The following WNK1 variants were observed in gnomAD, a reference collection of about 807,000 sequenced individuals.
The protein encoded by WNK1 is WNK lysine deficient protein kinase 1.
Under a neutral mutation model 222.8 loss-of-function variants are expected in WNK1, and 38 were observed. The ratio of observed to expected loss-of-function variants is 0.17; its 90% CI spans 0.13 to 0.22. The LOEUF (loss-of-function observed/expected upper bound fraction) is 0.22, where lower values mean the gene tolerates loss of function less well. Ranked by LOEUF, WNK1 falls within the 10% of genes least tolerant of loss-of-function variation. The pLI is 1.00. For missense variants in WNK1, 2,348 were observed against 2,918.4 expected (o/e 0.80, Z 4.50); for synonymous variants, 1,090 against 1,092.9 (o/e 1.00, Z 0.05).
intron 9 of WNK1, among the ~76,000 whole-genome samples, chr12:876,835 A>T (rs1440986773): frequency 6.6e-6 from 1 of 152,062 alleles, no homozygotes; most frequent in Non-Finnish European, 1.5e-5. Context: ...AAAAAAGAAA[A>T]CTATGTGAAA....
Position 871,362 on chromosome 12 carries a change from A to G in WNK1, c.2223+14A>G, listed in dbSNP as rs765525746. On this transcript the variant is annotated intron_variant, in intron 9 of 27. Transcript: ENST00000315939. ...CATCCTCAGCAGGTGAGAACAATGC[A>G]TTGCAACATTTTATGAATTAGCAGT... 2.5e-6 allele frequency: 4 copies of G among 1,612,188 alleles called. No individual in the cohort carries two copies. Among genetic ancestry groups the G allele is most frequent in the East Asian group, 4.5e-5 (2 of 44,866 alleles).
chr12:862,792 C>T (rs2154067047), intron 8 of WNK1, among the ~76,000 whole-genome samples: 1 of 152,262 alleles, frequency 6.6e-6, no homozygotes, highest in South Asian at 2.1e-4. Context: ...GTGTGTGTTC[C>T]TGCCTTTTAA....
chr12:831,234 A>G (rs1322506122), intron 4 of WNK1, among the ~76,000 whole-genome samples: 2 of 152,176 alleles, frequency 1.3e-5, no homozygotes, highest in Non-Finnish European at 2.9e-5. Context: ...ATACAGAAGC[A>G]TATAAAAGAA....
intron 2 of WNK1, among the ~76,000 whole-genome samples, chr12:824,082 T>G (rs1390983482): frequency 6.6e-6 from 1 of 151,866 alleles, no homozygotes; most frequent in Non-Finnish European, 1.5e-5. Flanking sequence ...AGTTTTTATG[T>G]TTTTAGTAGA....
At chr12:880,083 T>A (rs2154080720) in intron 11 of WNK1, 52 bp downstream of exon 11, 1 of 1,543,268 alleles carries the variant, frequency 6.5e-7, no homozygotes, top group Middle Eastern at 1.7e-4. Context: ...TCCTAGTAGA[T>A]CATCAGGAAC....
rs1439127529 is a variant in WNK1, at chr12:757,984, G to A, written c.759+3660G>A. On this transcript the variant is annotated intron_variant, in intron 1 of 27. Coordinates refer to ENST00000315939, the MANE Select transcript of WNK1 (RefSeq NM_018979.4). ...CGGGAGGCAGAGGTTGCAGTGAGTC[G>A]AGATCGCACCACTGCACTCCAGCCT... is the stretch of plus-strand genomic sequence containing the variant. Among the ~76,000 whole-genome samples, 7 of 140,830 alleles carry A rather than the reference G, an allele frequency of 5.0e-5. No individual in the cohort carries two copies. In the East Asian group the frequency reaches 1.2e-3, roughly 24 times the overall value. The allele number at this position is 140,830 out of a possible 152,430, so 92.4% of individuals were successfully genotyped here. A position where few individuals can be genotyped will look rare whatever the true frequency, so the allele number is the denominator to read the frequency against.
intron 4 of WNK1, among the ~76,000 whole-genome samples, chr12:832,833 G>A (rs1246546872): frequency 6.6e-6 from 1 of 152,098 alleles, no homozygotes; most frequent in African/African-American, 2.4e-5. Flanking sequence ...GGCTGAATGG[G>A]GGCAGGAGAA....
chr12:888,746 A>G (rs907479190), intron 20 of WNK1, among the ~76,000 whole-genome samples: 2 of 152,230 alleles, frequency 1.3e-5, no homozygotes, highest in African/African-American at 2.4e-5. Flanking sequence ...AGAAAGATGT[A>G]TAAAACTGAG....
intron 3 of WNK1, among the ~76,000 whole-genome samples, chr12:828,027 A>G (rs937428290): frequency 2.6e-5 from 4 of 151,662 alleles, no homozygotes; most frequent in East Asian, 1.9e-4. Context: ...GCCAAGCACA[A>G]TGGCTCATGC....
chr12:857,269 C>A lies in WNK1; in HGVS notation c.1400+20C>A. On this transcript the variant is annotated intron_variant, in intron 5 of 27. Transcript: ENST00000315939. ...TGAAAGGTAAGTTGCCTCTTTTGAT[C>A]TGGGTGATACTTGAACAAAACCTAA... 1 of 1,604,408 alleles carries A rather than the reference C, an allele frequency of 6.2e-7. No homozygotes were observed. The highest frequency in any genetic ancestry group is 8.5e-7 in the Non-Finnish European group (1 of 1,171,254).
At chr12:846,844 G>C (rs991047477) in intron 4 of WNK1, among the ~76,000 whole-genome samples, 5 of 152,154 alleles carry the variant, frequency 3.3e-5, no homozygotes, top group African/African-American at 1.2e-4. Flanking sequence ...TTCCTGATTA[G>C]ATGGTGTTTA....
At chr12:788,089 G>A (rs1472808894) in intron 1 of WNK1, among the ~76,000 whole-genome samples, 1 of 152,042 alleles carries the variant, frequency 6.6e-6, no homozygotes, top group Non-Finnish European at 1.5e-5. Context: ...CCAGTTTACT[G>A]CCTTGTAAGT....
chr12:903,448 GTTTTTGAAGTAGAATGTGA>G (rs1372550277), intron 26 of WNK1, among the ~76,000 whole-genome samples: 2 of 152,112 alleles, frequency 1.3e-5, no homozygotes, highest in African/African-American at 4.8e-5. Context: ...CAAGGGGGGT[GTTTTTGAAGTAGAATGTGA>G]CATGTCAGGC....
chr12:794,641 A>C (rs1475782263), intron 1 of WNK1, among the ~76,000 whole-genome samples: 1 of 151,996 alleles, frequency 6.6e-6, no homozygotes, highest in African/African-American at 2.4e-5. Context: ...CCTGGGATAA[A>C]TCCCATGTGG....
At chr12:789,682 G>A (rs948774714) in intron 1 of WNK1, among the ~76,000 whole-genome samples, 3 of 151,784 alleles carry the variant, frequency 2.0e-5, no homozygotes, top group Non-Finnish European at 2.9e-5. Flanking sequence ...GCCACCAAAC[G>A]CCAGGCTAAG....
At position 753,790 on chromosome 12, in the gene WNK1, T is replaced by C; in HGVS notation, c.225T>C (p.Thr75=). ...GGGCGGCCGCGACCACTACCACCAC[T>C]GAGCACCGCTTCTTCCGCCGGAGCG... ...SRGAAATTTT[T]EHRFFRRSVI... The change falls in exon 1 of 28, where the codon ACT becomes ACC. Residue 75 remains threonine (T), a synonymous_variant. Coordinates refer to ENST00000315939, the MANE Select transcript of WNK1 (RefSeq NM_018979.4). The surrounding 1 kb of genome is among the most constrained non-coding windows in gnomAD (Gnocchi z 5.2). 2 of 1,612,606 alleles carry C rather than the reference T, an allele frequency of 1.2e-6. No homozygotes were observed. Among genetic ancestry groups the C allele is most frequent in the South Asian group, 2.2e-5 (2 of 91,082 alleles).
intron 4 of WNK1, among the ~76,000 whole-genome samples, chr12:850,603 T>G (rs1268969048): frequency 6.6e-6 from 1 of 151,848 alleles, no homozygotes; most frequent in African/African-American, 2.4e-5. Flanking sequence ...TTTGGCTTTT[T>G]TTGCCATTGC....
At chr12:881,091 A>G in intron 12 of WNK1, 92 bp downstream of exon 12, 2 of 1,537,986 alleles carry the variant, frequency 1.3e-6, no homozygotes, top group Non-Finnish European at 1.8e-6. Flanking sequence ...CCCCTGGTTT[A>G]GAACTTATTT....
At chr12:907,337 G>A (rs986861523) in intron 26 of WNK1, among the ~76,000 whole-genome samples, 5 of 147,054 alleles carry the variant, frequency 3.4e-5, no homozygotes, top group African/African-American at 7.6e-5. Flanking sequence ...AAAAAAAAAG[G>A]CTAAAGAATG....
Sources: allele counts gnomAD v4.1 joint callset (sites outside exome capture counted in the v4.1 genomes callset), GRCh38; gene constraint gnomAD v4.1.1; non-coding constraint Gnocchi (gnomAD v3.1); transcripts MANE v1.5; gene names NCBI Gene and HGNC (gene_info 2026-07-23, HGNC 2026-07-21).